PDE4D: variants seen among roughly 807,000 people sequenced by gnomAD.
PDE4D encodes 3',5'-cyclic-AMP phosphodiesterase 4D.
A neutral mutation model predicts 87.4 loss-of-function variants in PDE4D; 24 were observed. The ratio of observed to expected loss-of-function variants is 0.27; its 90% CI spans 0.20 to 0.39. The LOEUF (loss-of-function observed/expected upper bound fraction) is 0.39. Among genes scored for constraint, PDE4D ranks in the 10% least tolerant of loss-of-function variants. The pLI is 1.00. For synonymous variants in PDE4D, 384 were observed against 383.2 expected (o/e 1.00, Z -0.02); for missense variants, 714 against 1,041.0 (o/e 0.69, Z 4.32).
At chr5:60,217,136 G>A (rs545884321) in intron 1 of PDE4D, among the ~76,000 whole-genome samples, 16 of 152,046 alleles carry the variant, frequency 1.1e-4, no homozygotes, top group Middle Eastern at 3.4e-3. Flanking sequence ...TAAATCTTGA[G>A]GACATTATAC....
chr5:60,107,592 T>C (rs1301778686), intron 2 of PDE4D, among the ~76,000 whole-genome samples: 1 of 152,136 alleles, frequency 6.6e-6, no homozygotes, highest in Non-Finnish European at 1.5e-5. Context: ...TGATGAACAT[T>C]GATGCAAAAA....
chr5:59,785,984 G>A (rs922801704), intron 1 of PDE4D, among the ~76,000 whole-genome samples: 1 of 151,238 alleles, frequency 6.6e-6, no homozygotes, highest in African/African-American at 2.4e-5. Flanking sequence ...TCTGCAGTGA[G>A]AATGGTTGGG....
intron 3 of PDE4D, among the ~76,000 whole-genome samples, chr5:59,982,476 G>C (rs894694095): frequency 7.9e-5 from 12 of 152,164 alleles, no homozygotes; most frequent in Non-Finnish European, 8.8e-5. Context: ...ACTCTCCTTA[G>C]ATTGTCTAGG....
intron 2 of PDE4D, among the ~76,000 whole-genome samples, chr5:59,200,660 T>TACATACAC (rs1747037469): frequency 1.2e-4 from 2 of 16,304 alleles, no homozygotes; most frequent in African/African-American, 5.3e-4. Context: ...TACATACATA[T>TACATACAC]GTGTATGTAT....
At chr5:59,878,443 G>A (rs1388037086) in intron 1 of PDE4D, among the ~76,000 whole-genome samples, 5 of 152,132 alleles carry the variant, frequency 3.3e-5, no homozygotes, top group Non-Finnish European at 7.4e-5. Flanking sequence ...TACCTTAGGT[G>A]TCCAAATACT....
At chr5:60,210,769 T>C (rs915812503) in intron 1 of PDE4D, among the ~76,000 whole-genome samples, 9 of 151,678 alleles carry the variant, frequency 5.9e-5, no homozygotes, top group African/African-American at 1.2e-4. Context: ...TTTTTTTTTT[T>C]CAGAAATATT....
intron 2 of PDE4D, among the ~76,000 whole-genome samples, chr5:60,093,133 T>C (rs1185227514): frequency 6.6e-6 from 1 of 152,232 alleles, no homozygotes; most frequent in Non-Finnish European, 1.5e-5. Context: ...GGAATCTTTC[T>C]GAAGAAGCCT....
chr5:59,480,633 T>C (rs904748639), intron 1 of PDE4D, among the ~76,000 whole-genome samples: 2 of 152,162 alleles, frequency 1.3e-5, no homozygotes, highest in African/African-American at 2.4e-5. Context: ...TATGCCAGGA[T>C]GGGAATACCC....
chr5:60,471,415 A>T (rs1035277562), intron 1 of PDE4D, among the ~76,000 whole-genome samples: 3 of 152,224 alleles, frequency 2.0e-5, no homozygotes, highest in African/African-American at 7.2e-5. Context: ...AACTTAGTTG[A>T]TAAAAAGCAG....
At chr5:59,065,061 TATATATAC>T (rs1276641141) in intron 5 of PDE4D, among the ~76,000 whole-genome samples, 17 of 16,536 alleles carry the variant, frequency 1.0e-3, no homozygotes, top group East Asian at 6.3e-3. Context: ...AAATGTGATA[TATATATAC>T]ACACACACAC....
In PDE4D at chr5:59,838,512, C is replaced by T. The variant is rs1237674659; in HGVS notation, c.455+54656G>A. Among the ~76,000 whole-genome samples, 4 of 152,212 alleles carry T rather than the reference C, an allele frequency of 2.6e-5. No individual in the cohort carries two copies. In the East Asian group the frequency reaches 7.8e-4, roughly 30 times the overall value. On this transcript the variant is annotated intron_variant, in intron 1 of 14. Transcript: ENST00000340635. ...ATTTTCACACCTCCAAGGAGGGAGG[C>T]CTACTTCCATCCTACTAGGCTAGTT...
At chr5:59,861,163 G>T (rs572139149) in intron 1 of PDE4D, among the ~76,000 whole-genome samples, 2 of 152,018 alleles carry the variant, frequency 1.3e-5, no homozygotes, top group South Asian at 4.2e-4. Flanking sequence ...GAGCCACTGC[G>T]CCCGGCCCAA....
chr5:59,820,802 ATTGT>A (rs897945175), intron 1 of PDE4D, among the ~76,000 whole-genome samples: 1 of 152,212 alleles, frequency 6.6e-6, no homozygotes, highest in African/African-American at 2.4e-5. Flanking sequence ...ACATTAAAAT[ATTGT>A]TTGTGTTTAA....
chr5:59,045,502 G>A (rs965686813), intron 5 of PDE4D, among the ~76,000 whole-genome samples: 7 of 143,348 alleles, frequency 4.9e-5, no homozygotes, highest in Admixed American at 3.0e-4. Context: ...GCAGTGAGCA[G>A]AGGTTGCGCC....
At chr5:59,080,095 G>C (rs1366694403) in intron 5 of PDE4D, among the ~76,000 whole-genome samples, 1 of 152,192 alleles carries the variant, frequency 6.6e-6, no homozygotes, top group Non-Finnish European at 1.5e-5. Flanking sequence ...TCTGTGGTCA[G>C]TGAAAGTGAA....
At chr5:60,429,834 G>GTT (rs371387651) in intron 1 of PDE4D, 1,024 of 289,876 alleles carry the variant, frequency 3.5e-3, no homozygotes, top group East Asian at 9.5e-3. Context: ...TGGTGGATTA[G>GTT]TTTTTTTTTT....
At chr5:59,115,491 T>C (rs1554072718) in intron 5 of PDE4D, among the ~76,000 whole-genome samples, 1 of 152,192 alleles carries the variant, frequency 6.6e-6, no homozygotes, top group Non-Finnish European at 1.5e-5. Flanking sequence ...CATCCAATTA[T>C]AGAAGGTTTA....
chr5:60,463,946 T>G (rs928265379), intron 1 of PDE4D, among the ~76,000 whole-genome samples: 1 of 152,200 alleles, frequency 6.6e-6, no homozygotes, highest in Admixed American at 6.5e-5. Flanking sequence ...TCCTCTTTTT[T>G]ATGGACAGTC....
chr5:60,297,891 C>G (rs1446401458), intron 1 of PDE4D, among the ~76,000 whole-genome samples: 1 of 152,096 alleles, frequency 6.6e-6, no homozygotes, highest in Non-Finnish European at 1.5e-5. Context: ...AGTGTGGGGC[C>G]CACTCCAATT....
Sources: allele counts gnomAD v4.1 joint callset (sites outside exome capture counted in the v4.1 genomes callset), GRCh38; gene constraint gnomAD v4.1.1; transcripts MANE v1.5; gene names NCBI Gene and HGNC (gene_info 2026-07-23, HGNC 2026-07-21).